Variants in TBR1 observed in about 807,000 individuals in gnomAD.
TBR1 encodes the protein T-box brain protein 1.
A neutral mutation model predicts 60.3 loss-of-function variants in TBR1; 7 were observed. The ratio of observed to expected loss-of-function variants is 0.12; its 90% CI spans 0.07 to 0.22. The LOEUF is 0.22. Ranked by LOEUF, TBR1 falls within the 10% of genes least tolerant of loss-of-function variation. The pLI is 1.00. For synonymous variants in TBR1, 417 were observed against 409.9 expected (o/e 1.02, Z -0.21); for missense variants, 616 against 936.8 (o/e 0.66, Z 4.47).
chr2:161,416,686 G>T lies in TBR1; in HGVS notation c.276G>T (p.Glu92Asp). Residue 92 changes from glutamate (E) to aspartate (D), a missense_variant, in exon 1 of 6, where the codon GAG becomes GAT. By Grantham distance (45) the Glu-to-Asp change is conservative. Around this residue, in one of 8 missense-constraint regions of TBR1, gnomAD observed 211 missense variants for 268.7 expected, o/e 0.79. Transcript: ENST00000389554. The surrounding 1 kb of genome is among the most constrained non-coding windows in gnomAD (Gnocchi z 6.1). ...KLSPVLDGVS[E>D]LRHSFDGSAA... The stretch of plus-strand genomic sequence containing the variant: ...CTCCTGTCTTGGACGGGGTCTCTGA[G>T]CTTCGTCACAGTTTCGATGGCTCTG... The T allele has an allele frequency of 6.2e-7, 1 of 1,614,200 alleles. No homozygotes were observed.
rs1684137384 is a variant in TBR1, at chr2:161,417,126, G to A, written c.692+24G>A. The A allele has an allele frequency of 2.6e-6, 4 of 1,549,362 alleles. No homozygotes were observed. Among genetic ancestry groups the A allele is most frequent in the South Asian group, 1.2e-5 (1 of 80,256 alleles). On this transcript the variant is annotated intron_variant, in intron 1 of 5. Transcript: ENST00000389554. This position sits in a 1 kb window ranked among gnomAD's most constrained non-coding sequence, Gnocchi z 5.3. Reference sequence around the variant, plus strand: ...AGGTAATACTACATTTTTGGCTGCCGCTGCTCTAGGCGCAGCCGGGGACAA... The same window carrying A: ...AGGTAATACTACATTTTTGGCTGCCACTGCTCTAGGCGCAGCCGGGGACAA...
At chr2:161,418,667 C>G in intron 3 of TBR1, 1 of 625,212 alleles carries the variant, frequency 1.6e-6, no homozygotes, top group East Asian at 3.2e-5. Flanking sequence ...GTCGGCTTCC[C>G]CCTTTTTTCC....
At position 161,423,855 on chromosome 2, in the gene TBR1, C is replaced by T. The variant is rs1177956880; in HGVS notation, c.1677C>T (p.Gly559=). The T allele has an allele frequency of 6.8e-7, 1 of 1,462,378 alleles. No individual in the cohort carries two copies. The highest frequency in any genetic ancestry group is 2.4e-5 in the Admixed American group (1 of 40,878). The allele number at this position is 1,462,378 out of a possible 1,614,324, so 90.6% of individuals were successfully genotyped here. ...CGCAGTACTGCGGCACCAAGTCGGG[C>T]TCGGTGCTGCCCTGCTGGCCCAACA... is the stretch of plus-strand genomic sequence containing the variant. ...SPPQYCGTKS[G]SVLPCWPNSA... Residue 559 remains glycine (G), a synonymous_variant, in exon 6 of 6, where the codon GGC becomes GGT. Transcript: ENST00000389554.
At chr2:161,418,846 C>G in intron 3 of TBR1, 46 bp from the exon 4 acceptor site, 16 of 1,586,662 alleles carry the variant, frequency 1.0e-5, no homozygotes, top group African/African-American at 1.4e-5. Flanking sequence ...GCACAGCGAC[C>G]GCGTTAACAC....
chr2:161,422,713 A>G (rs1242638601), intron 5 of TBR1: 1 of 152,236 alleles, frequency 6.6e-6, no homozygotes, highest in Non-Finnish European at 1.5e-5. Flanking sequence ...AAAGTTTCAC[A>G]CAGGGGAAAC....
At chr2:161,422,446 T>C (rs1168618648) in intron 5 of TBR1, 1 of 152,240 alleles carries the variant, frequency 6.6e-6, no homozygotes, top group Non-Finnish European at 1.5e-5. Context: ...TAAAGTGGGA[T>C]AATAAAAGTT....
At position 161,417,822 on chromosome 2, in the gene TBR1, A is replaced by G; in HGVS notation, c.839A>G (p.Asn280Ser). 1 of 1,614,070 alleles carries G rather than the reference A, an allele frequency of 6.2e-7. No homozygotes were observed. Among genetic ancestry groups the G allele is most frequent in the Non-Finnish European group, 8.5e-7 (1 of 1,179,996 alleles). The change falls in exon 2 of 6, where the codon AAT becomes AGT. Residue 280 changes from asparagine (N) to serine (S), a missense_variant. Physicochemically the swap from Asn to Ser is conservative, Grantham distance 46. Transcript: ENST00000389554. The surrounding 1 kb of genome is among the most constrained non-coding windows in gnomAD (Gnocchi z 5.3). ...KWVPCGKADT[N>S]VQGNRVYMHP... is the part of the protein sequence containing the mutation. ...GTTCCTTGCGGCAAAGCGGACACCA[A>G]TGTGCAAGGCAAGTCCTTCCAATTA... is the stretch of plus-strand genomic sequence containing the variant.
chr2:161,422,696 G>A (rs1201417819), intron 5 of TBR1: 1 of 152,194 alleles, frequency 6.6e-6, no homozygotes, highest in African/African-American at 2.4e-5. Context: ...TAGTAGAGGT[G>A]GGAGTGAAAG....
intron 3 of TBR1, 177 bp downstream of exon 3, chr2:161,418,499 A>C (rs1684170997): frequency 8.0e-6 from 8 of 1,004,464 alleles, no homozygotes; most frequent in Non-Finnish European, 9.8e-6. Context: ...AGTTGTTCTC[A>C]TTGGCAACAC....
chr2:161,419,180 G>A, intron 4 of TBR1, 130 bp downstream of exon 4: 1 of 1,400,304 alleles, frequency 7.1e-7, no homozygotes. Context: ...TCCGCTGTGC[G>A]TTTTAAGGCT....
At chr2:161,421,937 TACACACACAC>T (rs1219213649) in intron 5 of TBR1, 2 of 148,466 alleles carry the variant, frequency 1.3e-5, no homozygotes, top group African/African-American at 2.5e-5. Context: ...TCTTTATCTA[TACACACACAC>T]ACACACACAC....
chr2:161,417,625 T>G lies in TBR1; in HGVS notation c.693-51T>G. The G allele has an allele frequency of 6.3e-7, 1 of 1,580,002 alleles. No homozygotes were observed. Among genetic ancestry groups the G allele is most frequent in the Non-Finnish European group, 8.6e-7 (1 of 1,164,442 alleles). On this transcript the variant is annotated intron_variant, in intron 1 of 5. Transcript: ENST00000389554. This position sits in a 1 kb window ranked among gnomAD's most constrained non-coding sequence, Gnocchi z 5.3. The stretch of plus-strand genomic sequence containing the variant: ...CGCTTCTTGCATTTAATCTTTAACA[T>G]TTATGTTTCTTTTTTCCTTGTTTTC...
At position 161,417,851 on chromosome 2, in the gene TBR1, C is replaced by T; in HGVS notation, c.847+21C>T. Reference sequence around the variant, plus strand: ...GCAAGGCAAGTCCTTCCAATTAACACATTTTCTTGACACTTATTTAGGTGA... The same window carrying T: ...GCAAGGCAAGTCCTTCCAATTAACATATTTTCTTGACACTTATTTAGGTGA... On this transcript the variant is annotated intron_variant, in intron 2 of 5. Coordinates refer to ENST00000389554, the MANE Select transcript of TBR1 (RefSeq NM_006593.4). This position sits in a 1 kb window ranked among gnomAD's most constrained non-coding sequence, Gnocchi z 5.3. 1.2e-6 allele frequency: 2 copies of T among 1,612,072 alleles called. No individual in the cohort carries two copies. The highest frequency in any genetic ancestry group is 1.7e-6 in the Non-Finnish European group (2 of 1,179,178).
rs1310061399 is a variant in TBR1 at position 161,416,690 on chromosome 2, C to A, written c.280C>A (p.Arg94Ser). Residue 94 changes from arginine (R) to serine (S), a missense_variant, in exon 1 of 6, where the codon CGT becomes AGT. Arg to Ser is a moderately radical substitution (Grantham distance 110, BLOSUM62 -1). Transcript: ENST00000389554. The surrounding 1 kb of genome is among the most constrained non-coding windows in gnomAD (Gnocchi z 6.1). ...TGTCTTGGACGGGGTCTCTGAGCTTCGTCACAGTTTCGATGGCTCTGCTGC... is the reference window on the plus strand; with the variant it reads ...TGTCTTGGACGGGGTCTCTGAGCTTAGTCACAGTTTCGATGGCTCTGCTGC... ...SPVLDGVSEL[R>S]HSFDGSAADR... 2 of 1,614,196 alleles carry A rather than the reference C, an allele frequency of 1.2e-6. No homozygotes were observed. The highest frequency in any genetic ancestry group is 1.7e-6 in the Non-Finnish European group (2 of 1,180,012).
chr2:161,423,853 G>A lies in TBR1; in HGVS notation c.1675G>A (p.Gly559Ser). The A allele has an allele frequency of 6.8e-7, 1 of 1,463,130 alleles. No individual in the cohort carries two copies. Among genetic ancestry groups the A allele is most frequent in the Non-Finnish European group, 9.0e-7 (1 of 1,109,264 alleles). 90.6% of individuals were successfully genotyped at this position (1,463,130 alleles called of 1,614,324 possible). Residue 559 changes from glycine (G) to serine (S), a missense_variant, in exon 6 of 6, where the codon GGC (glycine) becomes AGC (serine). Transcript: ENST00000389554. Reference protein sequence around the residue: ...SPPQYCGTKSGSVLPCWPNSA... With the variant: ...SPPQYCGTKSSSVLPCWPNSA... ...CCCGCAGTACTGCGGCACCAAGTCGGGCTCGGTGCTGCCCTGCTGGCCCAA... is the reference window on the plus strand; with the variant it reads ...CCCGCAGTACTGCGGCACCAAGTCGAGCTCGGTGCTGCCCTGCTGGCCCAA...
chr2:161,417,315 C>G lies in TBR1; in HGVS notation c.692+213C>G. On this transcript the variant is annotated intron_variant, in intron 1 of 5. Coordinates refer to ENST00000389554, the MANE Select transcript of TBR1 (RefSeq NM_006593.4). This position sits in a 1 kb window ranked among gnomAD's most constrained non-coding sequence, Gnocchi z 5.3. Reference sequence around the variant, plus strand: ...CCGTTCTAGGAACATAGTGGGAGAGCCAGTCAGTGGCCAGAGGAAGGCAAG... The same window carrying G: ...CCGTTCTAGGAACATAGTGGGAGAGGCAGTCAGTGGCCAGAGGAAGGCAAG... 1 of 601,806 alleles carries G rather than the reference C, an allele frequency of 1.7e-6. No homozygotes were observed. The highest frequency in any genetic ancestry group is 2.8e-6 in the Non-Finnish European group (1 of 351,372). 37.3% of individuals were successfully genotyped at this position (601,806 alleles called of 1,614,324 possible). A position where few individuals can be genotyped will look rare whatever the true frequency, so the allele number is the denominator to read the frequency against.
At position 161,416,396 on chromosome 2, in the gene TBR1, T is replaced by C. The variant is rs1288025534; in HGVS notation, c.-15T>C. The C allele has an allele frequency of 6.5e-7, 1 of 1,547,350 alleles. No individual in the cohort carries two copies. Among genetic ancestry groups the C allele is most frequent in the South Asian group, 1.3e-5 (1 of 78,412 alleles). On this transcript the variant is annotated 5_prime_UTR_variant, in exon 1 of 6. Transcript: ENST00000389554. This position sits in a 1 kb window ranked among gnomAD's most constrained non-coding sequence, Gnocchi z 6.1. Reference sequence around the variant, plus strand: ...AAACCAGGGACGGGAGGGCGAGTGTTCAGGTTCTAGAGCTATGCAGCTGGA... The same window carrying C: ...AAACCAGGGACGGGAGGGCGAGTGTCCAGGTTCTAGAGCTATGCAGCTGGA...
At chr2:161,422,554 T>G (rs1467188301) in intron 5 of TBR1, 1 of 152,170 alleles carries the variant, frequency 6.6e-6, no homozygotes, top group Non-Finnish European at 1.5e-5. Flanking sequence ...ACACTGTAGG[T>G]TTGCCCCGAA....
Position 161,423,653 on chromosome 2 carries a change from G to C in TBR1, c.1475G>C (p.Arg492Pro). The change falls in exon 6 of 6, where the codon CGG becomes CCG. Residue 492 changes from arginine to proline, a missense_variant. Arg to Pro is a moderately radical substitution (Grantham distance 103, BLOSUM62 -2). Transcript: ENST00000389554. ...QRWFVTPANN[R>P]LDFAASAYDT... ...TGGTTTGTGACGCCGGCCAACAACCGGCTGGACTTCGCGGCCTCGGCCTAT... is the reference window on the plus strand; with the variant it reads ...TGGTTTGTGACGCCGGCCAACAACCCGCTGGACTTCGCGGCCTCGGCCTAT... 1 of 1,544,532 alleles carries C rather than the reference G, an allele frequency of 6.5e-7. No homozygotes were observed. The highest frequency in any genetic ancestry group is 8.7e-7 in the Non-Finnish European group (1 of 1,154,374).
Sources: allele counts gnomAD v4.1 joint callset, GRCh38; gene constraint gnomAD v4.1.1; regional missense constraint gnomAD v4.1.1; non-coding constraint Gnocchi (gnomAD v3.1); transcripts MANE v1.5; gene names NCBI Gene and HGNC (gene_info 2026-07-23, HGNC 2026-07-21).